CHD8: variants seen among roughly 807,000 people sequenced by gnomAD.
CHD8 encodes chromodomain helicase DNA binding protein 8, also known as ATP-dependent chromatin remodeler CHD8.
Under a neutral mutation model 279.2 loss-of-function variants are expected in CHD8, and 31 were observed. The observed-to-expected ratio is 0.11, with a 90% CI of 0.08 to 0.15. CHD8 has a LOEUF of 0.15. Ranked by LOEUF, CHD8 falls within the 10% of genes least tolerant of loss-of-function variation. The pLI, the probability that CHD8 is intolerant of heterozygous loss-of-function variation, is 1.00. For synonymous variants in CHD8, 1,081 were observed against 1,139.6 expected (o/e 0.95, Z 1.04); for missense variants, 2,146 against 3,230.5 (o/e 0.66, Z 8.14).
chr14:21,429,370 A>C (rs749159202), intron 2 of CHD8, 35 bp from the exon 3 acceptor site: 1 of 1,598,694 alleles, frequency 6.3e-7, no homozygotes, highest in Non-Finnish European at 8.6e-7. Context: ...AGAGTACAAC[A>C]TTAAAGAATG....
chr14:21,397,892 C>G lies in CHD8; in HGVS notation c.4982G>C (p.Gly1661Ala). ...DPALCFLEKA[G>A]RPDDKAIAAE... ...TGCAATTGCTTTGTCATCTGGTCGG[C>G]CAGCCTTTTCTAGGAAACATAAGGC... The change falls in exon 27 of 38, where the codon GGC (glycine) becomes GCC (alanine). Residue 1661 changes from glycine to alanine, a missense_variant. Physicochemically the swap from Gly to Ala is moderately conservative, Grantham distance 60. Transcript: ENST00000646647. The G allele has an allele frequency of 6.2e-7, 1 of 1,612,362 alleles. No individual in the cohort carries two copies. Among genetic ancestry groups the G allele is most frequent in the Non-Finnish European group, 8.5e-7 (1 of 1,179,078 alleles).
At chr14:21,420,149 T>TC (rs1888957477) in intron 5 of CHD8, among the ~76,000 whole-genome samples, 1 of 152,072 alleles carries the variant, frequency 6.6e-6, no homozygotes, top group Non-Finnish European at 1.5e-5. Flanking sequence ...GCAGATTATC[T>TC]CCTAGTGCCC....
In CHD8 at chr14:21,390,316, C is replaced by T. The variant is rs570047410; in HGVS notation, c.7182+631G>A. The stretch of plus-strand genomic sequence containing the variant: ...AAACTGAAGAGGTTAAAGGATTTGT[C>T]CAAAATCCCTTAGTTATTCAATAGA... On this transcript the variant is annotated intron_variant, in intron 37 of 37. Transcript: ENST00000646647. Among the ~76,000 whole-genome samples, 4 of 152,266 alleles carry T rather than the reference C, an allele frequency of 2.6e-5. No individual in the cohort carries two copies. The South Asian group carries it at 8.3e-4, about 32-fold the overall frequency.
intron 1 of CHD8, among the ~76,000 whole-genome samples, chr14:21,433,910 T>A (rs1168879559): frequency 6.6e-6 from 1 of 152,146 alleles, no homozygotes; most frequent in Non-Finnish European, 1.5e-5. Context: ...TTAATAAATT[T>A]CCTTCCCATT....
At chr14:21,445,998 CA>C (rs1319177064) in intron 1 of CHD8, among the ~76,000 whole-genome samples, 1 of 150,942 alleles carries the variant, frequency 6.6e-6, no homozygotes, top group Admixed American at 6.6e-5. Context: ...GACTCCGTCT[CA>C]AAAAAAAGAT....
At chr14:21,401,351 C>A in intron 21 of CHD8, 52 bp downstream of exon 21, 2 of 1,113,386 alleles carry the variant, frequency 1.8e-6, no homozygotes, top group South Asian at 2.9e-5. Flanking sequence ...TAAAGACTCC[C>A]GAAAGTAGTG....
At chr14:21,397,180 C>A in intron 27 of CHD8, 1 of 282,790 alleles carries the variant, frequency 3.5e-6, no homozygotes, top group Non-Finnish European at 7.5e-6. Context: ...AATAAATAAC[C>A]CAATTTCCTT....
chr14:21,440,368 G>A (rs969454438), intron 1 of CHD8, among the ~76,000 whole-genome samples: 8 of 151,876 alleles, frequency 5.3e-5, no homozygotes, highest in African/African-American at 1.9e-4. Flanking sequence ...CACCATGCCC[G>A]GCTAATTTTT....
chr14:21,400,586 G>A lies in CHD8; in HGVS notation c.4397C>T (p.Ser1466Phe). 1 of 1,580,976 alleles carries A rather than the reference G, an allele frequency of 6.3e-7. No homozygotes were observed. Among genetic ancestry groups the A allele is most frequent in the Non-Finnish European group, 8.5e-7 (1 of 1,171,762 alleles). ...CATACGTCGCTTGAAGCGTCCATGA[G>A]ATAAAATATCTCGCCATCGTCCCCA... The part of the protein sequence containing the change: ...YGWGRWRDIL[S>F]HGRFKRRMTE... Residue 1466 changes from serine to phenylalanine, a missense_variant, in exon 23 of 38, where the codon TCT becomes TTT. By Grantham distance (155) the Ser-to-Phe change is radical. Coordinates refer to ENST00000646647, the MANE Select transcript of CHD8 (RefSeq NM_001170629.2). The surrounding 1 kb of genome is among the most constrained non-coding windows in gnomAD (Gnocchi z 4.2).
intron 37 of CHD8, among the ~76,000 whole-genome samples, chr14:21,389,816 AAC>A (rs111696832): frequency 2.0e-5 from 3 of 152,194 alleles, no homozygotes; most frequent in Admixed American, 6.5e-5. Flanking sequence ...TGAATTACAA[AAC>A]AGTTTCCTCT....
Position 21,417,621 on chromosome 14 carries a change from G to A in CHD8, c.1717-1714C>T, listed in dbSNP as rs530759837. 6.0e-3 allele frequency among the ~76,000 whole-genome samples: 910 copies of A among 151,542 alleles called. 4 individuals are homozygous for A. The highest frequency in any genetic ancestry group is 8.6e-3 in the African/African-American group (353 of 41,264). ...TGTAATCCCAGCACTTTGGGAGGCC[G>A]AGGCAGGCGCATCATGAGGTCAGGA... On this transcript the variant is annotated intron_variant, in intron 5 of 37. Transcript: ENST00000646647.
intron 1 of CHD8, among the ~76,000 whole-genome samples, chr14:21,453,657 G>A (rs1709008929): frequency 6.6e-6 from 1 of 151,838 alleles, no homozygotes; most frequent in Non-Finnish European, 1.5e-5. Flanking sequence ...GGAGACTCGA[G>A]AGAAATGTTT....
At position 21,403,813 on chromosome 14, in the gene CHD8, A is replaced by C. The variant is rs1888136854; in HGVS notation, c.3308-150T>G. On this transcript the variant is annotated intron_variant, in intron 16 of 37. Coordinates refer to ENST00000646647, the MANE Select transcript of CHD8 (RefSeq NM_001170629.2). The surrounding 1 kb of genome is among the most constrained non-coding windows in gnomAD (Gnocchi z 4.3). ...AGAATTTCAGCACAAAAAAGTCTTA[A>C]ATCGGCTGGGTACGGTGGCTCATGC... The C allele has an allele frequency of 2.7e-6, 2 of 749,690 alleles. No homozygotes were observed. The highest frequency in any genetic ancestry group is 2.2e-6 in the Non-Finnish European group (1 of 463,482). 46.4% of individuals were successfully genotyped at this position (749,690 alleles called of 1,614,324 possible). A position where few individuals can be genotyped will look rare whatever the true frequency, so the allele number is the denominator to read the frequency against.
chr14:21,412,801 AC>A (rs1888559349), intron 10 of CHD8, 111 bp downstream of exon 10: 1 of 698,210 alleles, frequency 1.4e-6, no homozygotes, highest in African/African-American at 1.8e-5. Flanking sequence ...ATTTAGAAAT[AC>A]CTTTTCAGTC....
Position 21,391,028 on chromosome 14 carries a change from T to A in CHD8, c.7101A>T (p.Arg2367Ser). The A allele has an allele frequency of 6.3e-7, 1 of 1,597,484 alleles. No individual in the cohort carries two copies. Among genetic ancestry groups the A allele is most frequent in the South Asian group, 1.1e-5 (1 of 88,260 alleles). ...ATTCTGCCTTATTATTTTTTTTACA[T>A]CTTTGCCACTTCTGTTTTCTGCGAT... ...MEDRRKQKWQ[R>S]CKKNNKAELN... Residue 2367 changes from arginine (R) to serine (S), a missense_variant, in exon 37 of 38, where the codon AGA (arginine) becomes AGT (serine). Arg to Ser is a moderately radical substitution (Grantham distance 110, BLOSUM62 -1). Coordinates refer to ENST00000646647, the MANE Select transcript of CHD8 (RefSeq NM_001170629.2).
intron 5 of CHD8, among the ~76,000 whole-genome samples, chr14:21,422,289 C>T (rs901237737): frequency 7.9e-5 from 12 of 151,702 alleles, no homozygotes; most frequent in Non-Finnish European, 8.8e-5. Context: ...TATAGTGAGC[C>T]GAGATTGTGC....
At chr14:21,411,828 C>T (rs937309889) in intron 10 of CHD8, among the ~76,000 whole-genome samples, 6 of 152,076 alleles carry the variant, frequency 3.9e-5, no homozygotes, top group African/African-American at 7.2e-5. Context: ...TTTGGGAGGC[C>T]GAGGCAGGGA....
At chr14:21,391,375 G>A in intron 36 of CHD8, 88 bp downstream of exon 36, 1 of 1,242,866 alleles carries the variant, frequency 8.0e-7, no homozygotes. Flanking sequence ...CAGAAACGAT[G>A]ATACAGTATG....
intron 1 of CHD8, among the ~76,000 whole-genome samples, chr14:21,438,743 C>A (rs537081932): frequency 6.6e-6 from 1 of 151,842 alleles, no homozygotes; most frequent in East Asian, 2.0e-4. Context: ...GAGGCAGAAT[C>A]GCTTGAACCT....
Sources: gnomAD v4.1 joint callset for allele counts (sites outside exome capture counted in the v4.1 genomes callset) on GRCh38, gnomAD v4.1.1 for gene constraint, Gnocchi (gnomAD v3.1) non-coding constraint, MANE v1.5 for transcripts, NCBI Gene and HGNC (gene_info 2026-07-23, HGNC 2026-07-21) for gene names.